DRAXIN: variants seen among roughly 807,000 people sequenced by gnomAD.
DRAXIN encodes dorsal repulsive axon guidance protein.
A neutral mutation model predicts 33.9 loss-of-function variants in DRAXIN; 27 were observed. That is an observed-to-expected ratio of 0.80 (90% CI 0.59 to 1.10). DRAXIN has a LOEUF of 1.10. Ranked by LOEUF, DRAXIN falls within the 50% of genes least tolerant of loss-of-function variation. DRAXIN has a pLI of 0.00. For missense variants in DRAXIN, 371 were observed against 460.8 expected, an observed-to-expected ratio of 0.81 and a Z score of 1.78; for synonymous variants, 178 against 194.0, an observed-to-expected ratio of 0.92 and a Z score of 0.69.
Position 11,725,790 on chromosome 1 carries a change from T to G in DRAXIN, c.*6094T>G, listed in dbSNP as rs186291776. On this transcript the variant is annotated 3_prime_UTR_variant, in exon 7 of 7. Coordinates refer to ENST00000294485, the MANE Select transcript of DRAXIN (RefSeq NM_198545.4). ...GGGGGAGGGGGAAGTGCCACGCCCT[T>G]GTAGTTTCATGATGTCATGTTGCAT... 9 of 152,218 alleles carry G rather than the reference T, an allele frequency of 5.9e-5. No homozygotes were observed. The highest frequency in any genetic ancestry group is 3.9e-4 in the Admixed American group (6 of 15,294). The allele number at this position is 152,218 out of a possible 1,614,324, so 9.4% of individuals were successfully genotyped here. A position where few individuals can be genotyped will look rare whatever the true frequency, so the allele number is the denominator to read the frequency against.
chr1:11,697,163 C>T (rs1032388783), intron 1 of DRAXIN, among the ~76,000 whole-genome samples: 5 of 152,184 alleles, frequency 3.3e-5, no homozygotes, highest in African/African-American at 1.2e-4. Flanking sequence ...GCTCCTTCTG[C>T]TTTGCTCAGT....
Position 11,696,625 on chromosome 1 carries a change from C to A in DRAXIN, c.-11+4772C>A, listed in dbSNP as rs569556385. ...CAAAAAACACTTTGGGAGGCCAAAG[C>A]GAGCAGGTCACGAGGTCAAGAGATC... On this transcript the variant is annotated intron_variant, in intron 1 of 6. Coordinates refer to ENST00000294485, the MANE Select transcript of DRAXIN (RefSeq NM_198545.4). The surrounding 1 kb of genome is among the most constrained non-coding windows in gnomAD (Gnocchi z 4.7). Among the ~76,000 whole-genome samples the A allele has an allele frequency of 1.3e-5, 2 of 151,428 alleles. No individual in the cohort carries two copies. The highest frequency in any genetic ancestry group is 3.9e-4 in the East Asian group (2 of 5,090).
In DRAXIN at chr1:11,719,642, C is replaced by T. The variant is rs779273655; in HGVS notation, c.996C>T (p.Arg332=). ...RNRRVTRRKG[R]CVEPETANGD... ...GCAGGGTTACACGGAGGAAAGGGCGCTGTGTGGAGCCCGAGACGGCCAACG... is the reference window on the plus strand; with the variant it reads ...GCAGGGTTACACGGAGGAAAGGGCGTTGTGTGGAGCCCGAGACGGCCAACG... Residue 332 remains arginine (R), a synonymous_variant, in exon 7 of 7, where the codon CGC becomes CGT. Coordinates refer to ENST00000294485, the MANE Select transcript of DRAXIN (RefSeq NM_198545.4). The T allele has an allele frequency of 4.3e-6, 7 of 1,614,002 alleles. No homozygotes were observed. The African/African-American group carries it at 9.3e-5, about 22-fold the overall frequency.
At chr1:11,717,205 C>A (rs1197218133) in intron 6 of DRAXIN, among the ~76,000 whole-genome samples, 1 of 151,892 alleles carries the variant, frequency 6.6e-6, no homozygotes, top group African/African-American at 2.4e-5. Context: ...ATCGCTTGAA[C>A]CCGGGAGGCA....
Position 11,705,778 on chromosome 1 carries a change from C to T in DRAXIN, c.-10-471C>T, listed in dbSNP as rs946131170. Among the ~76,000 whole-genome samples the T allele has an allele frequency of 2.6e-5, 4 of 152,292 alleles. No individual in the cohort carries two copies. The highest frequency in any genetic ancestry group is 5.9e-5 in the Non-Finnish European group (4 of 68,030). ...GTCCTGCCTACAGCGTGCGCTCAAA[C>T]GCTATTATTCCATTTGTATGGAATT... On this transcript the variant is annotated intron_variant, in intron 1 of 6. Transcript: ENST00000294485. This position sits in a 1 kb window ranked among gnomAD's most constrained non-coding sequence, Gnocchi z 4.8.
chr1:11,707,410 G>A (rs923628089), intron 2 of DRAXIN, among the ~76,000 whole-genome samples: 2 of 152,214 alleles, frequency 1.3e-5, no homozygotes, highest in African/African-American at 4.8e-5. Context: ...CCTGAGATCA[G>A]GTCCTGCCTC....
chr1:11,716,504 T>G (rs752312129), intron 6 of DRAXIN, among the ~76,000 whole-genome samples: 11 of 152,224 alleles, frequency 7.2e-5, no homozygotes, highest in Non-Finnish European at 1.6e-4. Flanking sequence ...GCTCAGCCCC[T>G]CTGTGGACCT....
At position 11,720,663 on chromosome 1, in the gene DRAXIN, C is replaced by T. The variant is rs1324502697; in HGVS notation, c.*967C>T. On this transcript the variant is annotated 3_prime_UTR_variant, in exon 7 of 7. Coordinates refer to ENST00000294485, the MANE Select transcript of DRAXIN (RefSeq NM_198545.4). The stretch of plus-strand genomic sequence containing the variant: ...TGCTCTAACAAGCTCCCAGGGAACG[C>T]GAGGCTGCTGGCCCAGGGACCCACT... 5 of 150,212 alleles carry T rather than the reference C, an allele frequency of 3.3e-5. No homozygotes were observed. The East Asian group carries it at 9.9e-4, about 30-fold the overall frequency. The allele number at this position is 150,212 out of a possible 1,614,324, so 9.3% of individuals were successfully genotyped here.
At chr1:11,718,456 T>C (rs1258080112) in intron 6 of DRAXIN, among the ~76,000 whole-genome samples, 1 of 152,186 alleles carries the variant, frequency 6.6e-6, no homozygotes, top group East Asian at 1.9e-4. Flanking sequence ...TGAATTTATC[T>C]GTGTATTTTA....
intron 3 of DRAXIN, among the ~76,000 whole-genome samples, chr1:11,709,666 T>A (rs764934301): frequency 9.9e-5 from 15 of 152,180 alleles, no homozygotes; most frequent in Non-Finnish European, 1.8e-4. Flanking sequence ...GGTCTGCCAC[T>A]GTCCAGGGCA....
chr1:11,713,987 G>T (rs768778816), intron 5 of DRAXIN, among the ~76,000 whole-genome samples: 4 of 151,972 alleles, frequency 2.6e-5, no homozygotes. Context: ...ACCCGAGATC[G>T]CACGACTGCA....
intron 6 of DRAXIN, among the ~76,000 whole-genome samples, chr1:11,718,955 C>T (rs990605891): frequency 3.9e-5 from 6 of 152,154 alleles, no homozygotes; most frequent in Admixed American, 1.3e-4. Flanking sequence ...AGCTGGAGTG[C>T]AGTGGCATGA....
At chr1:11,691,212 T>C (rs113444101), upstream of DRAXIN, among the ~76,000 whole-genome samples, 9 of 152,042 alleles carry the variant, frequency 5.9e-5, 1 homozygote, top group African/African-American at 2.2e-4. Flanking sequence ...GAATAATCCT[T>C]TTGTGGCCCC....
chr1:11,715,984 C>T (rs1472582844), intron 6 of DRAXIN, among the ~76,000 whole-genome samples: 1 of 152,206 alleles, frequency 6.6e-6, no homozygotes, highest in Non-Finnish European at 1.5e-5. Context: ...ATCCTCCCAT[C>T]CCAGCCCTGC....
In DRAXIN at chr1:11,709,258, C is replaced by T; in HGVS notation, c.452-17C>T. The T allele has an allele frequency of 1.2e-6, 2 of 1,601,196 alleles. No individual in the cohort carries two copies. The highest frequency in any genetic ancestry group is 1.7e-6 in the Non-Finnish European group (2 of 1,173,164). ...GCAAGCAGATATAGCCCCCGTGCTCCCCACCCTGTGTCTCAGGCCGAGCCT... is the reference window on the plus strand; with the variant it reads ...GCAAGCAGATATAGCCCCCGTGCTCTCCACCCTGTGTCTCAGGCCGAGCCT... On this transcript the variant is annotated splice_polypyrimidine_tract_variant and intron_variant, in intron 2 of 6. Transcript: ENST00000294485.
At chr1:11,690,396 G>A (rs1641038381), upstream of DRAXIN, among the ~76,000 whole-genome samples, 1 of 152,166 alleles carries the variant, frequency 6.6e-6, no homozygotes, top group African/African-American at 2.4e-5. This position sits in a 1 kb window ranked among gnomAD's most constrained non-coding sequence, Gnocchi z 4.2. Context: ...TTTTACAGGA[G>A]CATTTCCTAT....
At chr1:11,707,014 C>T (rs1641395147) in intron 2 of DRAXIN, among the ~76,000 whole-genome samples, 1 of 151,988 alleles carries the variant, frequency 6.6e-6, no homozygotes, top group African/African-American at 2.4e-5. Flanking sequence ...GAGATCGAGA[C>T]CACGGTGAAA....
At chr1:11,716,764 C>T (rs1041383058) in intron 6 of DRAXIN, among the ~76,000 whole-genome samples, 3 of 152,152 alleles carry the variant, frequency 2.0e-5, no homozygotes, top group Admixed American at 2.0e-4. Context: ...CTTTAACTCC[C>T]GGGCTCAAGG....
In DRAXIN at chr1:11,709,366, C is replaced by T; in HGVS notation, c.543C>T (p.Ser181=). 6 of 1,614,002 alleles carry T rather than the reference C, an allele frequency of 3.7e-6. No individual in the cohort carries two copies. Among genetic ancestry groups the T allele is most frequent in the Non-Finnish European group, 5.1e-6 (6 of 1,179,950 alleles). The change falls in exon 3 of 7, where the codon TCC becomes TCT. Residue 181 remains serine, a synonymous_variant. Coordinates refer to ENST00000294485, the MANE Select transcript of DRAXIN (RefSeq NM_198545.4). ...TGGATGCAGCCATGGAGGAATCCTC[C>T]ACCAGCCTGGCGCCCACCATGTTCT... is the stretch of plus-strand genomic sequence containing the variant. ...QVLDAAMEES[S]TSLAPTMFFL...
Sources: allele counts gnomAD v4.1 joint callset (sites outside exome capture counted in the v4.1 genomes callset), GRCh38; gene constraint gnomAD v4.1.1; non-coding constraint Gnocchi (gnomAD v3.1); transcripts MANE v1.5; gene names NCBI Gene and HGNC (gene_info 2026-07-23, HGNC 2026-07-21).